The following LSAMP variants were observed in gnomAD, a reference collection of about 807,000 sequenced individuals.
LSAMP encodes the protein limbic system-associated membrane protein.
Under a neutral mutation model 38.6 loss-of-function variants are expected in LSAMP, and 7 were observed. That is an observed-to-expected ratio of 0.18 (90% CI 0.10 to 0.34). LSAMP has a LOEUF of 0.34. Among genes scored for constraint, LSAMP ranks in the 10% least tolerant of loss-of-function variants. The probability of loss-of-function intolerance (pLI) is 1.00; values close to 1 mark genes in which losing one functional copy is unlikely to be tolerated. For synonymous variants in LSAMP, 154 were observed against 166.8 expected, an observed-to-expected ratio of 0.92 and a Z score of 0.59; for missense variants, 313 against 420.0, an observed-to-expected ratio of 0.75 and a Z score of 2.23.
intron 1 of LSAMP, among the ~76,000 whole-genome samples, chr3:116,233,489 T>C (rs2046428598): frequency 6.6e-6 from 1 of 150,384 alleles, no homozygotes; most frequent in African/African-American, 2.4e-5. Flanking sequence ...GACATTCAAT[T>C]CCACTCTTCC....
chr3:116,022,120 T>G (rs1019815546), intron 2 of LSAMP, among the ~76,000 whole-genome samples: 2 of 152,184 alleles, frequency 1.3e-5, no homozygotes, highest in African/African-American at 4.8e-5. Flanking sequence ...CAATGGGTCT[T>G]ACTCCATCAT....
chr3:115,920,542 T>A (rs1937358434), intron 3 of LSAMP, among the ~76,000 whole-genome samples: 3 of 152,180 alleles, frequency 2.0e-5, no homozygotes, highest in Admixed American at 2.0e-4. Flanking sequence ...TTTGCCCATT[T>A]CTTAGATCAG....
chr3:116,138,910 T>C (rs1361594710), intron 1 of LSAMP, among the ~76,000 whole-genome samples: 1 of 151,608 alleles, frequency 6.6e-6, no homozygotes, highest in Non-Finnish European at 1.5e-5. Context: ...TGTTGTTGAG[T>C]CATTTTCAGT....
At chr3:115,883,172 G>A (rs1465506282) in intron 3 of LSAMP, among the ~76,000 whole-genome samples, 1 of 152,046 alleles carries the variant, frequency 6.6e-6, no homozygotes, top group Non-Finnish European at 1.5e-5. Flanking sequence ...CTGGTAACAA[G>A]AAGGCAACGG....
intron 1 of LSAMP, among the ~76,000 whole-genome samples, chr3:116,434,004 T>C (rs925758137): frequency 6.6e-5 from 10 of 152,118 alleles, no homozygotes; most frequent in African/African-American, 2.2e-4. Context: ...TCCAAAAAAA[T>C]AAAATTCCTG....
intron 2 of LSAMP, among the ~76,000 whole-genome samples, chr3:116,058,920 C>A (rs1941539895): frequency 7.0e-6 from 1 of 143,292 alleles, no homozygotes; most frequent in Non-Finnish European, 1.5e-5. Context: ...TAAACTAGTA[C>A]AAGGGTTTTG....
At chr3:116,024,602 C>T (rs1006305609) in intron 2 of LSAMP, among the ~76,000 whole-genome samples, 11 of 152,104 alleles carry the variant, frequency 7.2e-5, no homozygotes, top group Admixed American at 1.3e-4. Context: ...TCTGTGAGGA[C>T]GGAGAAATAG....
intron 3 of LSAMP, among the ~76,000 whole-genome samples, chr3:115,875,806 G>A (rs1290261096): frequency 6.6e-6 from 1 of 151,996 alleles, no homozygotes; most frequent in Admixed American, 6.6e-5. Flanking sequence ...AAGCTTGGAA[G>A]AGTGGAAATA....
intron 1 of LSAMP, among the ~76,000 whole-genome samples, chr3:116,330,191 C>T (rs542723935): frequency 6.6e-6 from 1 of 152,230 alleles, no homozygotes; most frequent in Admixed American, 6.5e-5. Flanking sequence ...TATTTTGGAA[C>T]ACTGGAGTCT....
At chr3:116,103,859 TA>T (rs1196542031) in intron 1 of LSAMP, among the ~76,000 whole-genome samples, 17 of 152,116 alleles carry the variant, frequency 1.1e-4, no homozygotes, top group Non-Finnish European at 7.4e-5. Context: ...GGGTATTCAA[TA>T]AAAAATTCTG....
At chr3:115,928,335 A>G (rs1040932091) in intron 3 of LSAMP, among the ~76,000 whole-genome samples, 6 of 152,218 alleles carry the variant, frequency 3.9e-5, no homozygotes, top group African/African-American at 1.2e-4. Flanking sequence ...TGTTCATAGA[A>G]CATCTCACTG....
At chr3:116,017,299 G>C (rs755178649) in intron 3 of LSAMP, among the ~76,000 whole-genome samples, 10 of 152,118 alleles carry the variant, frequency 6.6e-5, no homozygotes, top group Non-Finnish European at 1.3e-4. Context: ...TGTGCCAAAA[G>C]AAAGTGTCTT....
At chr3:116,222,537 G>A (rs756928673) in intron 1 of LSAMP, among the ~76,000 whole-genome samples, 13 of 151,916 alleles carry the variant, frequency 8.6e-5, no homozygotes, top group Middle Eastern at 3.2e-3. Flanking sequence ...TGTGAAGTCC[G>A]TAAAATAAGA....
intron 3 of LSAMP, among the ~76,000 whole-genome samples, chr3:115,861,311 C>G (rs933738459): frequency 6.6e-6 from 1 of 151,982 alleles, no homozygotes; most frequent in African/African-American, 2.4e-5. Context: ...ACTATTTACT[C>G]TCAGTGCCTG....
intron 1 of LSAMP, among the ~76,000 whole-genome samples, chr3:116,227,481 A>G (rs1027912159): frequency 5.3e-5 from 8 of 152,348 alleles, no homozygotes; most frequent in African/African-American, 1.9e-4. Context: ...GTAAACTAAT[A>G]TTTGTTAAAT....
chr3:115,847,682 T>C (rs943457660), intron 4 of LSAMP, among the ~76,000 whole-genome samples: 4 of 152,238 alleles, frequency 2.6e-5, no homozygotes, highest in Non-Finnish European at 5.9e-5. Flanking sequence ...TAGTTCCTCC[T>C]GCACTCATTC....
intron 1 of LSAMP, among the ~76,000 whole-genome samples, chr3:116,274,704 CT>C (rs1231680871): frequency 1.8e-4 from 27 of 147,926 alleles, no homozygotes; most frequent in South Asian, 2.1e-4. Flanking sequence ...ACTTCCTTGG[CT>C]TTTTTTTTTC....
chr3:116,027,006 C>T (rs1181558569), intron 2 of LSAMP, among the ~76,000 whole-genome samples: 1 of 152,152 alleles, frequency 6.6e-6, no homozygotes, highest in East Asian at 1.9e-4. Context: ...AATAGTGTAC[C>T]TAGTTAAATA....
chr3:116,436,445 T>C (rs944113221), intron 1 of LSAMP, among the ~76,000 whole-genome samples: 4 of 152,092 alleles, frequency 2.6e-5, no homozygotes, highest in African/African-American at 4.8e-5. Context: ...TCACAATCTA[T>C]ACATCTGACA....
Sources: allele counts gnomAD v4.1 joint callset (sites outside exome capture counted in the v4.1 genomes callset), GRCh38; gene constraint gnomAD v4.1.1; transcripts MANE v1.5; gene names NCBI Gene and HGNC (gene_info 2026-07-23, HGNC 2026-07-21).